The following MANBA variants were observed in gnomAD, a reference collection of about 807,000 sequenced individuals.
MANBA encodes the protein mannosidase beta, also known as beta-mannosidase.
A neutral mutation model predicts 111.1 loss-of-function variants in MANBA; 83 were observed. The ratio of observed to expected loss-of-function variants is 0.75; its 90% CI spans 0.63 to 0.90. The LOEUF is 0.90. Ranked by LOEUF, MANBA falls within the 40% of genes least tolerant of loss-of-function variation. MANBA has a pLI of 0.00. For missense variants in MANBA, 1,036 were observed against 1,069.0 expected, an observed-to-expected ratio of 0.97 and a Z score of 0.43; for synonymous variants, 370 against 378.7, an observed-to-expected ratio of 0.98 and a Z score of 0.27.
At chr4:102,635,174 A>G in intron 15 of MANBA, 129 bp from the exon 16 acceptor site, 1 of 986,788 alleles carries the variant, frequency 1.0e-6, no homozygotes, top group Non-Finnish European at 1.6e-6. Context: ...CCTGAGTTTT[A>G]ATCCCAGTCC....
chr4:102,751,837 C>T (rs1723812824), intron 1 of MANBA: 1 of 506,234 alleles, frequency 2.0e-6, no homozygotes, highest in East Asian at 5.3e-5. Flanking sequence ...AAAGATGTGG[C>T]CTGGGCCAAA....
intron 12 of MANBA, among the ~76,000 whole-genome samples, chr4:102,653,336 T>C (rs1354957549): frequency 6.6e-6 from 1 of 152,066 alleles, no homozygotes; most frequent in African/African-American, 2.4e-5. Context: ...AAATAATCTG[T>C]CCAAGATGAT....
rs1238224150 is a variant in MANBA, at chr4:102,632,143, T to C, written c.2554A>G (p.Thr852Ala). ...NGFLMTEKTR[T>A]ILFYPWEPTS... ...GGCTCCCAAGGGTAAAATAATATAG[T>C]TCGTGTCTTCTCAGTCATGAGGAAA... Residue 852 changes from threonine (T) to alanine (A), a missense_variant, in exon 17 of 17, where the codon ACT becomes GCT. By Grantham distance (58) the Thr-to-Ala change is moderately conservative. Coordinates refer to ENST00000647097, the MANE Select transcript of MANBA (RefSeq NM_005908.4). 2 of 1,613,520 alleles carry C rather than the reference T, an allele frequency of 1.2e-6. No individual in the cohort carries two copies. Among genetic ancestry groups the C allele is most frequent in the African/African-American group, 1.3e-5 (1 of 75,040 alleles).
In MANBA at chr4:102,723,021, C is replaced by G; in HGVS notation, c.399G>C (p.Val133=). 1 of 1,613,968 alleles carries G rather than the reference C, an allele frequency of 6.2e-7. No individual in the cohort carries two copies. Among genetic ancestry groups the G allele is most frequent in the Non-Finnish European group, 8.5e-7 (1 of 1,179,908 alleles). ...FNRYSFDITN[V]VRDVNSIELR... Reference sequence around the variant, plus strand: ...GCTCAATGGAGTTCACGTCCCTGACCACGTTGGTAATATCAAAGCTCTAAG... The same window carrying G: ...GCTCAATGGAGTTCACGTCCCTGACGACGTTGGTAATATCAAAGCTCTAAG... The change falls in exon 4 of 17, where the codon GTG becomes GTC. Residue 133 remains valine (V), a synonymous_variant. Transcript: ENST00000647097.
At chr4:102,646,867 G>A (rs1730127783) in intron 13 of MANBA, among the ~76,000 whole-genome samples, 1 of 152,092 alleles carries the variant, frequency 6.6e-6, no homozygotes. Context: ...TTGGCTATAA[G>A]ACAAAGAGAA....
chr4:102,726,645 C>A lies in MANBA; in HGVS notation c.216G>T (p.Trp72Cys). 6.4e-7 allele frequency: 1 copy of A among 1,574,172 alleles called. No homozygotes were observed. Among genetic ancestry groups the A allele is most frequent in the Non-Finnish European group, 8.7e-7 (1 of 1,144,558 alleles). ...YYRFNDLNYRWVSLDNWTYSK... is the reference protein window; with the variant it reads ...YYRFNDLNYRCVSLDNWTYSK... ...TATAGGTCCAGTTATCCAAAGAGAC[C>A]CATCTGTAGTTAAGGTCATTAAATC... is the stretch of plus-strand genomic sequence containing the variant. Residue 72 changes from tryptophan to cysteine, a missense_variant, in exon 2 of 17, where the codon TGG becomes TGT. Transcript: ENST00000647097.
intron 12 of MANBA, among the ~76,000 whole-genome samples, chr4:102,657,240 T>C (rs868825896): frequency 7.6e-5 from 3 of 39,458 alleles, no homozygotes; most frequent in Admixed American, 3.3e-4. Flanking sequence ...GGGTGGGCGG[T>C]GGTAATGGAA....
At chr4:102,755,942 T>C (rs1449971833) in intron 1 of MANBA, among the ~76,000 whole-genome samples, 2 of 152,158 alleles carry the variant, frequency 1.3e-5, no homozygotes, top group African/African-American at 2.4e-5. Flanking sequence ...TCACACCAGT[T>C]AGAATGGTGA....
chr4:102,717,424 C>CTT (rs1239871326), intron 4 of MANBA, among the ~76,000 whole-genome samples: 12 of 134,452 alleles, frequency 8.9e-5, no homozygotes, highest in Non-Finnish European at 1.1e-4. Context: ...CAGGCAGGAA[C>CTT]TTTTTTTTTT....
intron 15 of MANBA, among the ~76,000 whole-genome samples, chr4:102,635,274 G>A (rs1729573510): frequency 1.3e-5 from 2 of 152,140 alleles, no homozygotes; most frequent in Admixed American, 6.5e-5. Flanking sequence ...GTCACAGGCT[G>A]TTGTGAGAAT....
chr4:102,733,807 G>A (rs1723113702), intron 1 of MANBA, among the ~76,000 whole-genome samples: 1 of 152,096 alleles, frequency 6.6e-6, no homozygotes, highest in African/African-American at 2.4e-5. Flanking sequence ...ACTGTATTTT[G>A]TAGAATGGAT....
chr4:102,647,938 T>C (rs1209277796), intron 13 of MANBA, among the ~76,000 whole-genome samples: 1 of 152,098 alleles, frequency 6.6e-6, no homozygotes, highest in African/African-American at 2.4e-5. Context: ...GATACTAAGA[T>C]AGGAAAATTT....
chr4:102,669,406 A>G (rs1731386373), intron 9 of MANBA, among the ~76,000 whole-genome samples: 2 of 152,226 alleles, frequency 1.3e-5, no homozygotes, highest in Non-Finnish European at 2.9e-5. Context: ...GGCATTTGGT[A>G]TTGAGATGCA....
intron 5 of MANBA, among the ~76,000 whole-genome samples, chr4:102,698,647 G>C (rs1007449718): frequency 1.3e-5 from 2 of 151,726 alleles, no homozygotes; most frequent in African/African-American, 2.4e-5. Context: ...TCTCAGGTTT[G>C]TCAAAGATCA....
At chr4:102,705,191 C>T (rs530630544) in intron 5 of MANBA, among the ~76,000 whole-genome samples, 1 of 152,300 alleles carries the variant, frequency 6.6e-6, no homozygotes, top group Admixed American at 6.5e-5. Flanking sequence ...TGAGTGGCCT[C>T]CAGTGGTCTA....
chr4:102,753,134 A>T (rs1054274844), intron 1 of MANBA, among the ~76,000 whole-genome samples: 1 of 152,100 alleles, frequency 6.6e-6, no homozygotes, highest in Non-Finnish European at 1.5e-5. Flanking sequence ...ATAATCCTGG[A>T]TCTATATTTA....
chr4:102,692,013 G>A (rs1004388358), intron 5 of MANBA, among the ~76,000 whole-genome samples: 6 of 152,050 alleles, frequency 3.9e-5, no homozygotes, highest in South Asian at 2.1e-4. Context: ...AGTTGAGCAC[G>A]GTCCAAATGA....
At chr4:102,756,358 G>A (rs141124417) in intron 1 of MANBA, among the ~76,000 whole-genome samples, 7,231 of 152,210 alleles carry the variant, frequency 0.048, 330 homozygotes, top group African/African-American at 0.12. Context: ...ATCATTCTGA[G>A]CAAACTATCA....
At position 102,721,309 on chromosome 4, in the gene MANBA, G is replaced by C. The variant is rs6842968; in HGVS notation, c.549+1562C>G. ...ACTGCACTCTAGCTTGAGCAACAGAGCAAGACTCCATCTCAAATACATAAA... is the reference window on the plus strand; with the variant it reads ...ACTGCACTCTAGCTTGAGCAACAGACCAAGACTCCATCTCAAATACATAAA... On this transcript the variant is annotated intron_variant, in intron 4 of 16. Transcript: ENST00000647097. Among the ~76,000 whole-genome samples the C allele has an allele frequency of 3.3e-3, 499 of 150,882 alleles. 6 individuals are homozygous for C. Among genetic ancestry groups the C allele is most frequent in the African/African-American group, 0.012 (478 of 40,356 alleles).
Sources: gnomAD v4.1 joint callset for allele counts (sites outside exome capture counted in the v4.1 genomes callset) on GRCh38, gnomAD v4.1.1 for gene constraint, MANE v1.5 for transcripts, NCBI Gene and HGNC (gene_info 2026-07-23, HGNC 2026-07-21) for gene names.